FRMD5: variants seen among roughly 807,000 people sequenced by gnomAD.
The protein encoded by FRMD5 is FERM domain containing 5.
Under a neutral mutation model 69.0 loss-of-function variants are expected in FRMD5, and 20 were observed. The observed-to-expected ratio is 0.29, with a 90% confidence interval of 0.20 to 0.42. The LOEUF (loss-of-function observed/expected upper bound fraction) is 0.42. FRMD5 is among the 10% of genes least tolerant of loss of function. The pLI is 1.00. For missense variants in FRMD5, 595 were observed against 708.6 expected, an observed-to-expected ratio of 0.84 and a Z score of 1.82; for synonymous variants, 271 against 260.1, an observed-to-expected ratio of 1.04 and a Z score of -0.40.
intron 8 of FRMD5, among the ~76,000 whole-genome samples, chr15:43,889,673 C>T (rs997372842): frequency 6.6e-5 from 10 of 152,148 alleles, no homozygotes; most frequent in Admixed American, 1.3e-4. Flanking sequence ...ATTTGCAAAA[C>T]GGAAAAACTA....
At chr15:43,902,129 T>A (rs779676109) in intron 7 of FRMD5, 46 bp downstream of exon 7, 1 of 1,446,348 alleles carries the variant, frequency 6.9e-7, no homozygotes, top group Non-Finnish European at 9.7e-7. Context: ...TCCTGATGCC[T>A]TCTAGAGGAG....
intron 1 of FRMD5, among the ~76,000 whole-genome samples, chr15:44,058,970 T>C (rs577364863): frequency 5.4e-4 from 82 of 152,242 alleles, no homozygotes; most frequent in African/African-American, 2.0e-3. Context: ...TATTTCTGTT[T>C]GACACTAAAT....
Position 43,952,000 on chromosome 15 carries a change from C to CTGTG in FRMD5, c.103-27695_103-27692dup, listed in dbSNP as rs367759637. 8.3e-3 allele frequency among the ~76,000 whole-genome samples: 1,025 copies of CTGTG among 123,752 alleles called. 10 individuals carry two copies. Among genetic ancestry groups the CTGTG allele is most frequent in the African/African-American group, 0.02 (604 of 30,408 alleles). The allele number at this position is 123,752 out of a possible 152,430, so 81.2% of individuals were successfully genotyped here. A position where few individuals can be genotyped will look rare whatever the true frequency, so the allele number is the denominator to read the frequency against. ...GTGTGTTGTGTGTGTGTGTGTGTGTCTGTGTGTGTGTGTGTGTGTGTGTGT... is the reference window on the plus strand; with the variant it reads ...GTGTGTTGTGTGTGTGTGTGTGTGTCTGTGTGTGTGTGTGTGTGTGTGTGTGTGT... On this transcript the variant is annotated intron_variant, in intron 1 of 13. Coordinates refer to ENST00000417257, the MANE Select transcript of FRMD5 (RefSeq NM_032892.5).
chr15:44,064,591 AAAAACAAAAC>A (rs767341365), intron 1 of FRMD5, among the ~76,000 whole-genome samples: 1 of 152,340 alleles, frequency 6.6e-6, no homozygotes, highest in South Asian at 2.1e-4. Flanking sequence ...TCTGTCTCAA[AAAAACAAAAC>A]AAAACAAAAC....
At chr15:44,026,109 C>T (rs1225108958) in intron 1 of FRMD5, among the ~76,000 whole-genome samples, 2 of 152,158 alleles carry the variant, frequency 1.3e-5, no homozygotes, top group Admixed American at 6.5e-5. Context: ...TCCTGAGTAG[C>T]TGGGACTACA....
At chr15:44,166,438 A>G (rs1041472148) in intron 1 of FRMD5, among the ~76,000 whole-genome samples, 3 of 152,110 alleles carry the variant, frequency 2.0e-5, no homozygotes, top group Admixed American at 6.5e-5. Flanking sequence ...TTTATGTGGT[A>G]TATCTTTGGA....
At chr15:43,918,383 C>T (rs1354729151) in intron 4 of FRMD5, among the ~76,000 whole-genome samples, 3 of 152,194 alleles carry the variant, frequency 2.0e-5, no homozygotes, top group African/African-American at 7.2e-5. Context: ...GAGATCGCGC[C>T]ACTGCACTCC....
At chr15:44,036,869 T>C (rs1595654894) in intron 1 of FRMD5, among the ~76,000 whole-genome samples, 1 of 152,338 alleles carries the variant, frequency 6.6e-6, no homozygotes, top group East Asian at 1.9e-4. Context: ...TCTTCTTCCC[T>C]ACTTGGTCAC....
At chr15:43,918,258 T>C (rs1009995576) in intron 4 of FRMD5, among the ~76,000 whole-genome samples, 1 of 152,150 alleles carries the variant, frequency 6.6e-6, no homozygotes, top group African/African-American at 2.4e-5. Context: ...ACCCCGTCTC[T>C]ACTAAAAATA....
At chr15:43,987,883 T>C (rs1214211054) in intron 1 of FRMD5, among the ~76,000 whole-genome samples, 5 of 152,118 alleles carry the variant, frequency 3.3e-5, no homozygotes, top group Admixed American at 2.6e-4. Context: ...ATGAAATAAT[T>C]ATAAATTCAC....
intron 1 of FRMD5, among the ~76,000 whole-genome samples, chr15:44,031,807 G>T (rs1891696994): frequency 1.3e-5 from 2 of 152,046 alleles, no homozygotes; most frequent in African/African-American, 4.8e-5. Flanking sequence ...AAGATTACTT[G>T]AACGTTAGAG....
At chr15:43,980,286 T>C (rs2140618692) in intron 1 of FRMD5, among the ~76,000 whole-genome samples, 1 of 152,318 alleles carries the variant, frequency 6.6e-6, no homozygotes, top group African/African-American at 2.4e-5. Context: ...AATAGGGGAC[T>C]GTCCCACTCC....
chr15:44,195,045 T>C lies in FRMD5; in HGVS notation c.10A>G (p.Arg4Gly), dbSNP rs1566997789. The change falls in exon 1 of 14, where the codon AGG becomes GGG. Residue 4 changes from arginine to glycine, a missense_variant. Physicochemically the swap from Arg to Gly is moderately radical, Grantham distance 125 (BLOSUM62 -2). Coordinates refer to ENST00000417257, the MANE Select transcript of FRMD5 (RefSeq NM_032892.5). ...CTCCTGCTGCTGCCGCTCATCAACC[T>C]GCTCAGCATCTTCCCGCCCGCCCGC... is the stretch of plus-strand genomic sequence containing the variant. MLS[R>G]LMSGSSRSLE... 1.9e-6 allele frequency: 3 copies of C among 1,544,060 alleles called. No individual in the cohort carries two copies. The highest frequency in any genetic ancestry group is 1.7e-6 in the Non-Finnish European group (2 of 1,150,542).
At chr15:43,951,051 A>G (rs1334510863) in intron 1 of FRMD5, among the ~76,000 whole-genome samples, 1 of 152,208 alleles carries the variant, frequency 6.6e-6, no homozygotes, top group Non-Finnish European at 1.5e-5. Context: ...GGTAATTAGC[A>G]TATGCATCAC....
At chr15:43,969,264 T>C (rs1363194129) in intron 1 of FRMD5, among the ~76,000 whole-genome samples, 2 of 152,066 alleles carry the variant, frequency 1.3e-5, no homozygotes, top group Admixed American at 6.5e-5. Context: ...AAATTTTTTG[T>C]AGGGATGGGG....
intron 1 of FRMD5, among the ~76,000 whole-genome samples, chr15:44,119,984 T>C (rs1171833394): frequency 6.6e-6 from 1 of 152,138 alleles, no homozygotes; most frequent in Non-Finnish European, 1.5e-5. Context: ...GAACAGAATG[T>C]GCAAAAGCAT....
At chr15:43,888,667 T>C (rs1026249728) in intron 9 of FRMD5, 142 bp downstream of exon 9, 10 of 693,826 alleles carry the variant, frequency 1.4e-5, no homozygotes, top group Non-Finnish European at 2.5e-5. Context: ...CTCCTTCATA[T>C]TGTACCTCCA....
intron 4 of FRMD5, among the ~76,000 whole-genome samples, chr15:43,910,417 T>C (rs1483060287): frequency 1.3e-5 from 2 of 151,418 alleles, no homozygotes; most frequent in Non-Finnish European, 2.9e-5. Flanking sequence ...CCAGGAAGAG[T>C]TCAGCCTCAA....
intron 1 of FRMD5, among the ~76,000 whole-genome samples, chr15:44,053,961 GAAT>G (rs1892768589): frequency 2.0e-5 from 3 of 152,320 alleles, no homozygotes; most frequent in African/African-American, 7.2e-5. Flanking sequence ...CCATTTCATA[GAAT>G]TATAGTCAGG....
Sources: allele counts gnomAD v4.1 joint callset (sites outside exome capture counted in the v4.1 genomes callset), GRCh38; gene constraint gnomAD v4.1.1; transcripts MANE v1.5; gene names NCBI Gene and HGNC (gene_info 2026-07-23, HGNC 2026-07-21).